The following PCDH15 variants were observed in gnomAD, a reference collection of about 807,000 sequenced individuals.
PCDH15 encodes protocadherin related 15, also known as protocadherin-15.
In PCDH15, 129 loss-of-function variants were observed where a neutral mutation model predicts 178.5. That is an observed-to-expected ratio of 0.72 (90% confidence interval 0.63 to 0.84). PCDH15 has a LOEUF of 0.84. PCDH15 is among the 40% of genes least tolerant of loss of function. PCDH15 has a pLI of 0.00. For missense variants in PCDH15, 2,230 were observed against 2,099.9 expected (o/e 1.06, Z -1.21); for synonymous variants, 800 against 732.0 (o/e 1.09, Z -1.50).
intron 37 of PCDH15, chr10:53,809,151 C>T: frequency 1.2e-6 from 2 of 1,613,948 alleles, no homozygotes; most frequent in Non-Finnish European, 1.7e-6. Context: ...TCTCCTCCTC[C>T]TCAGAGGGTG....
chr10:55,623,367 C>T (rs1837448606), intron 2 of PCDH15, among the ~76,000 whole-genome samples: 1 of 151,966 alleles, frequency 6.6e-6, no homozygotes, highest in Admixed American at 6.6e-5. Flanking sequence ...TGAAAACCTT[C>T]AGGGGAGACG....
intron 2 of PCDH15, among the ~76,000 whole-genome samples, chr10:54,953,561 A>G (rs866763544): frequency 2.0e-5 from 3 of 151,410 alleles, no homozygotes; most frequent in African/African-American, 4.8e-5. Flanking sequence ...CTCTCCGGTT[A>G]GCATTATTTT....
At chr10:53,832,067 TAAAA>T (rs2132644847) in intron 29 of PCDH15, among the ~76,000 whole-genome samples, 223 of 151,942 alleles carry the variant, frequency 1.5e-3, no homozygotes, top group African/African-American at 5.2e-3. Flanking sequence ...AACACCATCT[TAAAA>T]GTAAACATTC....
chr10:54,879,949 G>GA (rs917663852), intron 3 of PCDH15, among the ~76,000 whole-genome samples: 2 of 151,638 alleles, frequency 1.3e-5, no homozygotes, highest in Non-Finnish European at 2.9e-5. Context: ...AAAAGTAAAA[G>GA]AAAAAAAATT....
chr10:55,203,369 T>C (rs1489262875), intron 1 of PCDH15, among the ~76,000 whole-genome samples: 1 of 152,086 alleles, frequency 6.6e-6, no homozygotes, highest in Non-Finnish European at 1.5e-5. Flanking sequence ...TATTAATCTC[T>C]CATATCTTAC....
At chr10:54,704,337 A>C (rs1199324556) in intron 1 of PCDH15, among the ~76,000 whole-genome samples, 4 of 152,130 alleles carry the variant, frequency 2.6e-5, no homozygotes, top group Non-Finnish European at 1.5e-5. Context: ...TGCATAGTAC[A>C]TGAAACTATC....
chr10:53,984,277 G>C (rs868507450), intron 21 of PCDH15, among the ~76,000 whole-genome samples: 14 of 149,684 alleles, frequency 9.4e-5, no homozygotes, highest in Admixed American at 2.7e-4. Flanking sequence ...AGCCTCCCAA[G>C]TAGCTGGGAC....
intron 2 of PCDH15, among the ~76,000 whole-genome samples, chr10:54,968,442 T>TA (rs979872353): frequency 0.011 from 3 of 284 alleles, no homozygotes; most frequent in African/African-American, 0.021. Context: ...TAGATTGACA[T>TA]TTTTTTTTTC....
At chr10:55,186,417 A>G (rs1351629327) in intron 1 of PCDH15, among the ~76,000 whole-genome samples, 3 of 151,304 alleles carry the variant, frequency 2.0e-5, no homozygotes, top group Non-Finnish European at 4.4e-5. Context: ...ATAAAATCAA[A>G]TATAATTAAT....
intron 3 of PCDH15, among the ~76,000 whole-genome samples, chr10:54,848,168 C>T (rs886718116): frequency 1.3e-5 from 2 of 151,940 alleles, no homozygotes; most frequent in South Asian, 2.1e-4. Flanking sequence ...CACCTGAGGT[C>T]AGGAGTTTGA....
intron 2 of PCDH15, among the ~76,000 whole-genome samples, chr10:55,611,633 C>T (rs1040113855): frequency 3.3e-5 from 5 of 151,920 alleles, no homozygotes; most frequent in African/African-American, 1.2e-4. Context: ...TACTATATGA[C>T]CCAGAAATTC....
intron 2 of PCDH15, among the ~76,000 whole-genome samples, chr10:55,155,352 G>C (rs1236717347): frequency 1.3e-5 from 2 of 151,804 alleles, no homozygotes; most frequent in African/African-American, 4.8e-5. Flanking sequence ...TTATTATGAA[G>C]TGTTATTTTG....
intron 32 of PCDH15, chr10:53,822,099 T>C (rs1301403247): frequency 1.2e-6 from 2 of 1,614,032 alleles, no homozygotes; most frequent in East Asian, 2.2e-5. Flanking sequence ...TGGTTCTCTC[T>C]GAGGGTCTGT....
intron 2 of PCDH15, among the ~76,000 whole-genome samples, chr10:55,042,843 AT>A (rs1391372077): frequency 6.6e-6 from 1 of 152,110 alleles, no homozygotes; most frequent in Non-Finnish European, 1.5e-5. Flanking sequence ...ATATAAATTT[AT>A]TTAATACATT....
intron 16 of PCDH15, among the ~76,000 whole-genome samples, chr10:54,088,492 A>T (rs1462574579): frequency 2.6e-5 from 4 of 152,028 alleles, no homozygotes; most frequent in Non-Finnish European, 4.4e-5. Context: ...ATTTTCTCTG[A>T]TTGTAGGTTG....
At chr10:54,300,731 T>C (rs546069737) in intron 8 of PCDH15, among the ~76,000 whole-genome samples, 10 of 152,206 alleles carry the variant, frequency 6.6e-5, no homozygotes, top group Admixed American at 2.6e-4. Context: ...GCTAAAGGAT[T>C]GTAAACACAC....
intron 1 of PCDH15, 75 bp from the exon 2 acceptor site, chr10:54,664,365 C>T (rs2094537397): frequency 2.2e-6 from 2 of 926,868 alleles, no homozygotes; most frequent in Non-Finnish European, 3.4e-6. Context: ...ATTGTCACAG[C>T]ACAGAAAAGC....
intron 2 of PCDH15, among the ~76,000 whole-genome samples, chr10:55,394,082 G>C (rs188740321): frequency 2.8e-4 from 43 of 152,096 alleles, no homozygotes; most frequent in African/African-American, 9.6e-4. Context: ...TCTTTGAAGA[G>C]AGAGCATCTT....
At chr10:54,636,682 G>A (rs1327688735) in intron 2 of PCDH15, among the ~76,000 whole-genome samples, 1 of 151,822 alleles carries the variant, frequency 6.6e-6, no homozygotes, top group African/African-American at 2.4e-5. Context: ...ATGGGCAGGA[G>A]GTCACGTCAC....
Sources: allele counts gnomAD v4.1 joint callset (sites outside exome capture counted in the v4.1 genomes callset), GRCh38; gene constraint gnomAD v4.1.1; transcripts MANE v1.5; gene names NCBI Gene and HGNC (gene_info 2026-07-23, HGNC 2026-07-21).